Variants in LPL observed in about 807,000 individuals in gnomAD.
LPL encodes lipoprotein lipase, also known as phospholipase A1.
LPL carries 43 observed loss-of-function variants against 52.2 expected under a neutral mutation model. The ratio of observed to expected loss-of-function variants is 0.82; its 90% CI spans 0.64 to 1.06. The LOEUF (loss-of-function observed/expected upper bound fraction) is 1.06, where lower values mean the gene tolerates loss of function less well. Ranked by LOEUF, LPL falls within the 50% of genes least tolerant of loss-of-function variation. The pLI, the probability that LPL is intolerant of heterozygous loss-of-function variation, is 0.00. For synonymous variants in LPL, 244 were observed against 215.6 expected (o/e 1.13, Z -1.15); for missense variants, 639 against 585.3 (o/e 1.09, Z -0.95).
At position 19,951,805 on chromosome 8, in the gene LPL, G is replaced by C. The variant is rs373088068; in HGVS notation, c.286G>C (p.Val96Leu). ...GTATGAGAGTTGGGTGCCAAAACTT[G>C]TGGCCGCCCTGTACAAGAGAGAACC... ...GMYESWVPKL[V>L]AALYKREPDS... Residue 96 changes from valine to leucine, a missense_variant, in exon 3 of 10, where the codon GTG (valine) becomes CTG (leucine). By Grantham distance (32) the Val-to-Leu change is conservative. Coordinates refer to ENST00000650287, the MANE Select transcript of LPL (RefSeq NM_000237.3). 170 of 1,614,062 alleles carry C rather than the reference G, an allele frequency of 1.1e-4. No individual in the cohort carries two copies. Among genetic ancestry groups the C allele is most frequent in the Non-Finnish European group, 1.4e-4 (163 of 1,180,042 alleles).
Position 19,939,722 on chromosome 8 carries a change from C to G in LPL, c.88+194C>G, listed in dbSNP as rs539069187. On this transcript the variant is annotated intron_variant, in intron 1 of 9. Coordinates refer to ENST00000650287, the MANE Select transcript of LPL (RefSeq NM_000237.3). The surrounding 1 kb of genome is among the most constrained non-coding windows in gnomAD (Gnocchi z 4.0). ...GGCCGGGAGGGAATCTCCTCCCGAT[C>G]GTGAAGCGGCGGCGCCCAGTTCCCG... 1.3e-5 allele frequency among the ~76,000 whole-genome samples: 2 copies of G among 152,200 alleles called. No individual in the cohort carries two copies. The highest frequency in any genetic ancestry group is 4.1e-4 in the South Asian group (2 of 4,836).
chr8:19,940,563 A>G (rs957763022), intron 1 of LPL, among the ~76,000 whole-genome samples: 67 of 152,396 alleles, frequency 4.4e-4, no homozygotes, highest in African/African-American at 1.6e-3. Context: ...ACCTCGATTC[A>G]GTAAACATGC....
At chr8:19,943,271 G>A (rs189622331) in intron 1 of LPL, among the ~76,000 whole-genome samples, 19 of 152,230 alleles carry the variant, frequency 1.2e-4, no homozygotes, top group Admixed American at 5.2e-4. Flanking sequence ...AGATGCTTTC[G>A]GAGGGATGGT....
In LPL at chr8:19,955,821, G is replaced by A; in HGVS notation, c.776-20G>A. On this transcript the variant is annotated intron_variant, in intron 5 of 9. Coordinates refer to ENST00000650287, the MANE Select transcript of LPL (RefSeq NM_000237.3). Reference sequence around the variant, plus strand: ...TGAATTTCTGCCGAGATACAATCTTGGTGTCTCTTTTTTACCCAGATGTGG... The same window carrying A: ...TGAATTTCTGCCGAGATACAATCTTAGTGTCTCTTTTTTACCCAGATGTGG... The A allele has an allele frequency of 6.2e-7, 1 of 1,614,036 alleles. No individual in the cohort carries two copies. Among genetic ancestry groups the A allele is most frequent in the Non-Finnish European group, 8.5e-7 (1 of 1,179,992 alleles).
chr8:19,954,585 C>A (rs1226941638), intron 5 of LPL, among the ~76,000 whole-genome samples: 1 of 152,040 alleles, frequency 6.6e-6, no homozygotes, highest in Non-Finnish European at 1.5e-5. Flanking sequence ...CTTACAGTAG[C>A]AAGAGAAAAA....
chr8:19,954,283 T>C lies in LPL; in HGVS notation c.705T>C (p.Asn235=). 2 of 1,614,192 alleles carry C rather than the reference T, an allele frequency of 1.2e-6. No individual in the cohort carries two copies. The highest frequency in any genetic ancestry group is 1.1e-5 in the South Asian group (1 of 91,080). ...KPVGHVDIYP[N]GGTFQPGCNI... Reference sequence around the variant, plus strand: ...TTGGGCATGTTGACATTTACCCGAATGGAGGTACTTTTCAGCCAGGATGTA... The same window carrying C: ...TTGGGCATGTTGACATTTACCCGAACGGAGGTACTTTTCAGCCAGGATGTA... The change falls in exon 5 of 10, where the codon AAT becomes AAC. Residue 235 remains asparagine (N), a synonymous_variant. Transcript: ENST00000650287.
intron 9 of LPL, among the ~76,000 whole-genome samples, chr8:19,963,422 A>C (rs145391587): frequency 0.096 from 13,519 of 140,192 alleles, 592 homozygotes; most frequent in East Asian, 0.11. Context: ...GGCAACAGAG[A>C]AAGACTCCAT....
chr8:19,959,127 A>G, intron 6 of LPL, 133 bp from the exon 7 acceptor site: 1 of 1,029,652 alleles, frequency 9.7e-7, no homozygotes, highest in Non-Finnish European at 1.5e-6. Context: ...AAGCCACACC[A>G]GTGGTTCCAT....
intron 8 of LPL, among the ~76,000 whole-genome samples, chr8:19,961,640 G>A (rs1353763432): frequency 6.6e-6 from 1 of 152,056 alleles, no homozygotes; most frequent in Non-Finnish European, 1.5e-5. Context: ...CTCTAAGTTA[G>A]GATTGACAAA....
chr8:19,953,478 G>A, intron 4 of LPL, 57 bp downstream of exon 4: 1 of 1,318,406 alleles, frequency 7.6e-7, no homozygotes, highest in Non-Finnish European at 1.1e-6. Context: ...GTCATTCTGA[G>A]AGAGAATCAG....
At chr8:19,951,295 A>T (rs2069932010) in intron 2 of LPL, among the ~76,000 whole-genome samples, 2 of 152,168 alleles carry the variant, frequency 1.3e-5, no homozygotes, top group South Asian at 4.1e-4. Context: ...TGAAGAAATG[A>T]CATCAACCTC....
At chr8:19,961,672 C>T (rs2070040372) in intron 8 of LPL, among the ~76,000 whole-genome samples, 1 of 151,814 alleles carries the variant, frequency 6.6e-6, no homozygotes, top group South Asian at 2.1e-4. Context: ...TAGTCATTTG[C>T]TTGTATCACC....
chr8:19,961,893 T>TCTATCTAAATTAA (rs1246629967), intron 8 of LPL, among the ~76,000 whole-genome samples: 2 of 152,298 alleles, frequency 1.3e-5, no homozygotes, highest in Admixed American at 1.3e-4. Context: ...TGCATGCCTG[T>TCTATCTAAATTAA]CTATCTAAAT....
rs576742722 is a variant in LPL, at chr8:19,954,473, T to C, written c.775+120T>C. 168 of 976,686 alleles carry C rather than the reference T, an allele frequency of 1.7e-4. 2 individuals are homozygous for C. In the South Asian group the frequency reaches 1.8e-3, roughly 11 times the overall value. The allele number at this position is 976,686 out of a possible 1,614,324, so 60.5% of individuals were successfully genotyped here. ...CATATACACATTTGGCCAAATTATGTTTCTGAAGAATTCTGCAATGTTCAG... is the reference window on the plus strand; with the variant it reads ...CATATACACATTTGGCCAAATTATGCTTCTGAAGAATTCTGCAATGTTCAG... On this transcript the variant is annotated intron_variant, in intron 5 of 9. Transcript: ENST00000650287.
At chr8:19,959,768 G>C (rs303) in intron 7 of LPL, among the ~76,000 whole-genome samples, 16,388 of 122,656 alleles carry the variant, frequency 0.13, 1,082 homozygotes, top group South Asian at 0.14. Context: ...CCATGACAAA[G>C]TGTTAGCTCT....
At chr8:19,958,904 AT>A (rs2128839115) in intron 6 of LPL, among the ~76,000 whole-genome samples, 1 of 152,338 alleles carries the variant, frequency 6.6e-6, no homozygotes, top group South Asian at 2.1e-4. Context: ...ATGGCCAAGG[AT>A]GGCGGAGTTC....
At chr8:19,954,059 A>G in intron 4 of LPL, 61 bp from the exon 5 acceptor site, 1 of 1,162,374 alleles carries the variant, frequency 8.6e-7, no homozygotes, top group Non-Finnish European at 1.3e-6. Context: ...GAGCAGTGAC[A>G]TGCGAATGTC....
At position 19,966,561 on chromosome 8, in the gene LPL, T is replaced by C. The variant is rs998571455; in HGVS notation, c.*1251T>C. On this transcript the variant is annotated 3_prime_UTR_variant, in exon 10 of 10. Coordinates refer to ENST00000650287, the MANE Select transcript of LPL (RefSeq NM_000237.3). ...ACGTATAAATATGAAATGATAAAGA[T>C]GTCAAATATCTCAGAGGCTATAGCT... The C allele has an allele frequency of 1.3e-5, 2 of 152,190 alleles. No individual in the cohort carries two copies. Among genetic ancestry groups the C allele is most frequent in the African/African-American group, 4.8e-5 (2 of 41,432 alleles). The allele number at this position is 152,190 out of a possible 1,614,324, so 9.4% of individuals were successfully genotyped here.
intron 2 of LPL, among the ~76,000 whole-genome samples, chr8:19,948,926 T>A (rs2069907854): frequency 6.6e-6 from 1 of 150,822 alleles, no homozygotes; most frequent in South Asian, 2.1e-4. Flanking sequence ...AGGGAGCCTT[T>A]CTGGAAATTA....
Sources: gnomAD v4.1 joint callset for allele counts (sites outside exome capture counted in the v4.1 genomes callset) on GRCh38, gnomAD v4.1.1 for gene constraint, Gnocchi (gnomAD v3.1) non-coding constraint, MANE v1.5 for transcripts, NCBI Gene and HGNC (gene_info 2026-07-23, HGNC 2026-07-21) for gene names.